Variants in PARP4 observed in about 807,000 individuals in gnomAD.
The protein encoded by PARP4 is protein mono-ADP-ribosyltransferase PARP4.
A neutral mutation model predicts 187.7 loss-of-function variants in PARP4; 120 were observed. That is an observed-to-expected ratio of 0.64 (90% CI 0.55 to 0.74). PARP4 has a LOEUF of 0.74. PARP4 is among the 30% of genes least tolerant of loss of function. PARP4 has a pLI of 0.00. For missense variants in PARP4, 1,836 were observed against 2,070.5 expected, an observed-to-expected ratio of 0.89 and a Z score of 2.20; for synonymous variants, 654 against 740.9, an observed-to-expected ratio of 0.88 and a Z score of 1.90.
chr13:24,458,109 ATTTT>A (rs1209906906), intron 20 of PARP4, among the ~76,000 whole-genome samples: 1 of 139,310 alleles, frequency 7.2e-6, no homozygotes, highest in Non-Finnish European at 1.6e-5. Context: ...TGTCTCTACA[ATTTT>A]TTTTTTTTTT....
intron 18 of PARP4, among the ~76,000 whole-genome samples, chr13:24,459,742 T>C (rs902877736): frequency 2.0e-5 from 3 of 150,666 alleles, no homozygotes; most frequent in African/African-American, 7.2e-5. Context: ...AGATATAACA[T>C]TTTTTGAGTG....
intron 33 of PARP4, among the ~76,000 whole-genome samples, chr13:24,421,890 C>A (rs1325277318): frequency 6.6e-6 from 1 of 152,254 alleles, no homozygotes; most frequent in Admixed American, 6.5e-5. Flanking sequence ...ATTCAACACT[C>A]AGAAAAATTC....
Position 24,426,528 on chromosome 13 carries a change from C to G in PARP4, c.4917G>C (p.Arg1639Ser). The G allele has an allele frequency of 6.2e-7, 1 of 1,611,716 alleles. No homozygotes were observed. Among genetic ancestry groups the G allele is most frequent in the South Asian group, 1.1e-5 (1 of 91,002 alleles). Residue 1639 changes from arginine to serine, a missense_variant, in exon 33 of 34, where the codon AGG becomes AGC. Around this residue, in one of 8 missense-constraint regions of PARP4, gnomAD observed 45 missense variants for 53.1 expected, o/e 0.85. Coordinates refer to ENST00000381989, the MANE Select transcript of PARP4 (RefSeq NM_006437.4). The part of the protein sequence containing the change: ...TMLVLQFIRT[R>S]LEKEGIVFKS... ...TGAACACTATTCCCTCTTTTTCCAA[C>G]CTGGTGCGAATAAACTGTAGTACCA... is the stretch of plus-strand genomic sequence containing the variant.
chr13:24,438,562 A>C (rs1870749150), intron 30 of PARP4, among the ~76,000 whole-genome samples: 1 of 152,218 alleles, frequency 6.6e-6, no homozygotes, highest in African/African-American at 2.4e-5. Flanking sequence ...GTATGTTTTA[A>C]AAATCTCTGC....
At chr13:24,468,885 C>A in intron 17 of PARP4, 139 bp downstream of exon 17, 1 of 649,824 alleles carries the variant, frequency 1.5e-6, no homozygotes. Flanking sequence ...GTGGCTTCCC[C>A]TTACTCAGAC....
intron 32 of PARP4, among the ~76,000 whole-genome samples, chr13:24,429,753 A>C (rs1870240881): frequency 6.6e-6 from 1 of 152,158 alleles, no homozygotes; most frequent in Non-Finnish European, 1.5e-5. Context: ...GTATATGTAG[A>C]GGTTAGGAGA....
intron 14 of PARP4, 113 bp downstream of exon 14, chr13:24,477,588 T>G (rs1300238102): frequency 2.4e-5 from 16 of 664,682 alleles, no homozygotes; most frequent in Non-Finnish European, 4.1e-5. Context: ...AATGAAATAC[T>G]TATGGATGAG....
chr13:24,447,252 A>G, intron 25 of PARP4, 66 bp from the exon 26 acceptor site: 1 of 1,185,532 alleles, frequency 8.4e-7, no homozygotes. Flanking sequence ...CTTCACATTT[A>G]AAATAAAGTA....
chr13:24,511,637 T>C (rs1286450278), intron 1 of PARP4, among the ~76,000 whole-genome samples: 1 of 152,218 alleles, frequency 6.6e-6, no homozygotes, highest in Non-Finnish European at 1.5e-5. Flanking sequence ...TTTCCTCCTC[T>C]CGGAAAACCC....
At chr13:24,497,026 G>A (rs183155394) in intron 6 of PARP4, among the ~76,000 whole-genome samples, 1 of 152,066 alleles carries the variant, frequency 6.6e-6, no homozygotes, top group Non-Finnish European at 1.5e-5. Context: ...CTGTCTCGGG[G>A]AAAAAGAAGA....
At chr13:24,509,537 G>T (rs1355478788) in intron 1 of PARP4, among the ~76,000 whole-genome samples, 1 of 150,664 alleles carries the variant, frequency 6.6e-6, no homozygotes, top group Admixed American at 6.6e-5. Flanking sequence ...TTACTAAATT[G>T]TACAATTAAA....
chr13:24,452,421 A>C lies in PARP4; in HGVS notation c.2999T>G (p.Phe1000Cys), dbSNP rs529157125. ...VKRSRPHTRL[F>C]ACGIGSTANR... ...TGAGACTCACCCGATACCGCAGGCG[A>C]ATAACCTGGTGTGCGGGCGGCTCCT... is the stretch of plus-strand genomic sequence containing the variant. The change falls in exon 24 of 34, where the codon TTC becomes TGC. Residue 1000 changes from phenylalanine to cysteine, a missense_variant. This residue lies in a region of PARP4 where 1,147 missense variants were observed against 1,214.2 expected (regional missense o/e 0.94). Coordinates refer to ENST00000381989, the MANE Select transcript of PARP4 (RefSeq NM_006437.4). 4.3e-6 allele frequency: 7 copies of C among 1,613,224 alleles called. No homozygotes were observed. The East Asian group carries it at 1.3e-4, about 31-fold the overall frequency.
At chr13:24,444,842 G>A (rs1871131041) in intron 27 of PARP4, among the ~76,000 whole-genome samples, 1 of 152,182 alleles carries the variant, frequency 6.6e-6, no homozygotes, top group Non-Finnish European at 1.5e-5. Flanking sequence ...ATGCAAACAG[G>A]CTTTCTCTGA....
chr13:24,441,744 T>G (rs1401587422), intron 30 of PARP4, 102 bp downstream of exon 30: 1 of 1,046,760 alleles, frequency 9.6e-7, no homozygotes, highest in Non-Finnish European at 1.4e-6. Flanking sequence ...ATACAACTTC[T>G]TCATGTACAG....
chr13:24,509,762 T>C (rs2137557520), intron 1 of PARP4, among the ~76,000 whole-genome samples: 1 of 152,140 alleles, frequency 6.6e-6, no homozygotes, highest in East Asian at 2.0e-4. Context: ...TGCAGTGGCA[T>C]GATCTCAGCT....
rs187660748 is a variant in PARP4 at position 24,500,497 on chromosome 13, T to C, written c.335-115A>G. ...AAATATATCCTTAAATTAGTTATAATTTTGGTGATCAAAGGATAACCCAGT... is the reference window on the plus strand; with the variant it reads ...AAATATATCCTTAAATTAGTTATAACTTTGGTGATCAAAGGATAACCCAGT... On this transcript the variant is annotated intron_variant, in intron 3 of 33. Transcript: ENST00000381989. 4.0e-3 allele frequency: 2,314 copies of C among 578,994 alleles called. 7 individuals are homozygous for C. The highest frequency in any genetic ancestry group is 6.0e-3 in the Non-Finnish European group (2,060 of 343,706). 35.9% of individuals were successfully genotyped at this position (578,994 alleles called of 1,614,324 possible).
In PARP4 at chr13:24,501,827, T is replaced by C. The variant is rs372717196; in HGVS notation, c.140A>G (p.His47Arg). ...AACATCAGCATTATCTAAGATTATA[T>C]GTGTGCACTAAGGAAAAAAAGAGTC... ...FSFSLNPQCTHIILDNADVLS... is the reference protein window; with the variant it reads ...FSFSLNPQCTRIILDNADVLS... Residue 47 changes from histidine (H) to arginine (R), a missense_variant, in exon 3 of 34, where the codon CAT becomes CGT. By Grantham distance (29) the His-to-Arg change is conservative (BLOSUM62 0). Around this residue, in one of 8 missense-constraint regions of PARP4, gnomAD observed 1,147 missense variants for 1,214.2 expected, o/e 0.94. Coordinates refer to ENST00000381989, the MANE Select transcript of PARP4 (RefSeq NM_006437.4). 4 of 1,600,104 alleles carry C rather than the reference T, an allele frequency of 2.5e-6. No individual in the cohort carries two copies. The highest frequency in any genetic ancestry group is 2.7e-5 in the African/African-American group (2 of 74,530).
rs201456907 is a variant in PARP4 at position 24,490,690 on chromosome 13, C to G, written c.1192G>C (p.Glu398Gln). 1 of 1,613,788 alleles carries G rather than the reference C, an allele frequency of 6.2e-7. No individual in the cohort carries two copies. Among genetic ancestry groups the G allele is most frequent in the Non-Finnish European group, 8.5e-7 (1 of 1,179,852 alleles). The change falls in exon 10 of 34, where the codon GAG becomes CAG. Residue 398 changes from glutamate to glutamine, a missense_variant. Around this residue, in one of 8 missense-constraint regions of PARP4, gnomAD observed 1,147 missense variants for 1,214.2 expected, o/e 0.94. Coordinates refer to ENST00000381989, the MANE Select transcript of PARP4 (RefSeq NM_006437.4). ...NTEEFLRVRK[E>Q]VLQNHHSKSP... ...TACCTGTGATGATTCTGCAAAACCTCTTTTCTAACCCTGAGAAATTCTTCA... is the reference window on the plus strand; with the variant it reads ...TACCTGTGATGATTCTGCAAAACCTGTTTTCTAACCCTGAGAAATTCTTCA...
At position 24,454,996 on chromosome 13, in the gene PARP4, C is replaced by T. The variant is rs200322230; in HGVS notation, c.2758+21G>A. The T allele has an allele frequency of 3.3e-4, 511 of 1,545,858 alleles. 1 individual carries two copies. The African/African-American group carries it at 4.5e-3, about 14-fold the overall frequency. ...ACATGTAGGGGAAGCACACGCAGGA[C>T]CAGGGCCAAAGCGCACTCACCTGTG... On this transcript the variant is annotated intron_variant, in intron 22 of 33. Transcript: ENST00000381989.
Sources: gnomAD v4.1 joint callset for allele counts (sites outside exome capture counted in the v4.1 genomes callset) on GRCh38, gnomAD v4.1.1 for gene constraint, gnomAD v4.1.1 regional missense constraint, MANE v1.5 for transcripts, NCBI Gene and HGNC (gene_info 2026-07-23, HGNC 2026-07-21) for gene names.